Variants in NXPH2 observed in about 807,000 individuals in gnomAD.
NXPH2 encodes the protein neurexophilin 2, also known as neurexophilin-2.
A neutral mutation model predicts 19.8 loss-of-function variants in NXPH2; 5 were observed. The observed-to-expected ratio is 0.25, with a 90% CI of 0.13 to 0.53. The LOEUF is 0.53. NXPH2 is among the 20% of genes least tolerant of loss of function. NXPH2 has a pLI of 0.96. For synonymous variants in NXPH2, 154 were observed against 127.4 expected, an observed-to-expected ratio of 1.21 and a Z score of -1.41; for missense variants, 289 against 322.8, an observed-to-expected ratio of 0.90 and a Z score of 0.80.
chr2:138,780,256 C>G lies in NXPH2; in HGVS notation c.-15G>C. 7.0e-7 allele frequency: 1 copy of G among 1,421,706 alleles called. No homozygotes were observed. Among genetic ancestry groups the G allele is most frequent in the Non-Finnish European group, 9.1e-7 (1 of 1,098,652 alleles). 88.1% of individuals were successfully genotyped at this position (1,421,706 alleles called of 1,614,324 possible). A position where few individuals can be genotyped will look rare whatever the true frequency, so the allele number is the denominator to read the frequency against. On this transcript the variant is annotated 5_prime_UTR_variant, in exon 1 of 2. Transcript: ENST00000272641. ...CGCAGGCGCATGGTGCCGGCTGGCG[C>G]GGCTTTTCACGAGCTGCGCGCCCTC... is the stretch of plus-strand genomic sequence containing the variant.
chr2:138,681,181 T>G (rs1187910894), intron 1 of NXPH2, among the ~76,000 whole-genome samples: 1 of 150,950 alleles, frequency 6.6e-6, no homozygotes, highest in Non-Finnish European at 1.5e-5. Context: ...ACTTGATAAT[T>G]AGGTAACTAT....
intron 1 of NXPH2, among the ~76,000 whole-genome samples, chr2:138,738,152 C>T (rs985035424): frequency 6.6e-6 from 1 of 151,340 alleles, no homozygotes; most frequent in Admixed American, 6.6e-5. Flanking sequence ...CACCTATGAA[C>T]ACCTTCATTT....
At chr2:138,759,616 C>CACTTGTAT (rs1183632847) in intron 1 of NXPH2, among the ~76,000 whole-genome samples, 2 of 151,766 alleles carry the variant, frequency 1.3e-5, no homozygotes, top group Non-Finnish European at 2.9e-5. Flanking sequence ...AGCAAATTTC[C>CACTTGTAT]ACTTGTATAT....
intron 1 of NXPH2, among the ~76,000 whole-genome samples, chr2:138,766,934 C>T (rs951980906): frequency 2.6e-5 from 4 of 152,060 alleles, no homozygotes; most frequent in Non-Finnish European, 4.4e-5. Context: ...TTTAATTCTT[C>T]CAGTATTTGG....
chr2:138,702,418 C>T (rs1472292787), intron 1 of NXPH2, among the ~76,000 whole-genome samples: 3 of 152,164 alleles, frequency 2.0e-5, no homozygotes, highest in Non-Finnish European at 4.4e-5. Flanking sequence ...AAGCATCTGG[C>T]CTGTTTCTTT....
At chr2:138,707,161 A>G (rs1681030577) in intron 1 of NXPH2, among the ~76,000 whole-genome samples, 2 of 146,600 alleles carry the variant, frequency 1.4e-5, no homozygotes, top group Middle Eastern at 3.5e-3. Flanking sequence ...ATGATTCAAT[A>G]TGGGTGAGTT....
Position 138,671,134 on chromosome 2 carries a change from C to A in NXPH2, c.583G>T (p.Asp195Tyr). 1 of 1,613,948 alleles carries A rather than the reference C, an allele frequency of 6.2e-7. No individual in the cohort carries two copies. The highest frequency in any genetic ancestry group is 8.5e-7 in the Non-Finnish European group (1 of 1,179,872). The stretch of plus-strand genomic sequence containing the variant: ...CACAGGGCGGTCTTTTTCGCCCGAT[C>A]TGTTTTTTCATACTCAATGCGACAA... Reference protein sequence around the residue: ...FNCRIEYEKTDRAKKTALCNF... With the variant: ...FNCRIEYEKTYRAKKTALCNF... The change falls in exon 2 of 2, where the codon GAT (aspartate) becomes TAT (tyrosine). Residue 195 changes from aspartate (D) to tyrosine (Y), a missense_variant. By Grantham distance (160) the Asp-to-Tyr change is radical (BLOSUM62 -3). Coordinates refer to ENST00000272641, the MANE Select transcript of NXPH2 (RefSeq NM_007226.3).
At chr2:138,686,374 GTC>G (rs1210404683) in intron 1 of NXPH2, among the ~76,000 whole-genome samples, 1 of 152,082 alleles carries the variant, frequency 6.6e-6, no homozygotes, top group African/African-American at 2.4e-5. Flanking sequence ...AAGAGGCACT[GTC>G]TCTCTCTTGC....
chr2:138,748,270 C>G (rs911486478), intron 1 of NXPH2, among the ~76,000 whole-genome samples: 1 of 152,196 alleles, frequency 6.6e-6, no homozygotes, highest in Non-Finnish European at 1.5e-5. Flanking sequence ...ACAGTTACAT[C>G]TATCTCGGTT....
rs570566751 is a variant in NXPH2 at position 138,705,160 on chromosome 2, C to A, written c.52-33495G>T. Among the ~76,000 whole-genome samples, 3 of 152,022 alleles carry A rather than the reference C, an allele frequency of 2.0e-5. No individual in the cohort carries two copies. In the South Asian group the frequency reaches 6.2e-4, roughly 32 times the overall value. ...AAATTTTTTTGTAGAGATGGAGTCT[C>A]GATACGTTGCTCAGGCTGGTCTCCA... is the stretch of plus-strand genomic sequence containing the variant. On this transcript the variant is annotated intron_variant, in intron 1 of 1. Coordinates refer to ENST00000272641, the MANE Select transcript of NXPH2 (RefSeq NM_007226.3).
chr2:138,756,523 G>C (rs1681912102), intron 1 of NXPH2, among the ~76,000 whole-genome samples: 1 of 151,472 alleles, frequency 6.6e-6, no homozygotes, highest in Non-Finnish European at 1.5e-5. Flanking sequence ...TAAAAAAGTA[G>C]CTTTTACTTA....
rs779707617 is a variant in NXPH2 at position 138,670,928 on chromosome 2, A to G, written c.789T>C (p.Ser263=). ...TTCCACCACAGCAGGAAGATCAGCC[A>G]GAAGATAAGTATGGGGTCTCACTAT... ...NYHSETPYLS[S]G The change falls in exon 2 of 2, where the codon TCT becomes TCC. Residue 263 remains serine (S), a synonymous_variant. Transcript: ENST00000272641. 2.5e-6 allele frequency: 4 copies of G among 1,610,408 alleles called. No individual in the cohort carries two copies. Among genetic ancestry groups the G allele is most frequent in the Admixed American group, 1.7e-5 (1 of 59,876 alleles).
At chr2:138,676,548 T>A (rs543223769) in intron 1 of NXPH2, among the ~76,000 whole-genome samples, 2 of 152,234 alleles carry the variant, frequency 1.3e-5, no homozygotes, top group Admixed American at 6.5e-5. Flanking sequence ...AGCACAGGAT[T>A]TATTGCCTAA....
chr2:138,671,246 T>C lies in NXPH2; in HGVS notation c.471A>G (p.Ser157=), dbSNP rs1175167253. ...RHNSTGLGNV[S]VSLVPPSKVV... ...CCTTGGAGGGTGGTACCAAGCTCAC[T>C]GAAACATTGCCCAGGCCTGTTGAAT... The change falls in exon 2 of 2, where the codon TCA becomes TCG. Residue 157 remains serine (S), a synonymous_variant. Transcript: ENST00000272641. The C allele has an allele frequency of 6.2e-7, 1 of 1,613,910 alleles. No homozygotes were observed. The highest frequency in any genetic ancestry group is 2.2e-5 in the East Asian group (1 of 44,874).
At chr2:138,719,202 A>G (rs1681240078) in intron 1 of NXPH2, among the ~76,000 whole-genome samples, 1 of 152,190 alleles carries the variant, frequency 6.6e-6, no homozygotes, top group Admixed American at 6.5e-5. Flanking sequence ...AGATATGTCT[A>G]TATATATTTT....
intron 1 of NXPH2, among the ~76,000 whole-genome samples, chr2:138,776,610 A>G (rs1049460657): frequency 1.5e-5 from 2 of 135,822 alleles, no homozygotes; most frequent in African/African-American, 5.5e-5. Context: ...ACAATGATAT[A>G]GTGGTGTTTT....
At chr2:138,677,318 T>G (rs1680498846) in intron 1 of NXPH2, among the ~76,000 whole-genome samples, 1 of 152,240 alleles carries the variant, frequency 6.6e-6, no homozygotes, top group Non-Finnish European at 1.5e-5. Context: ...GAAAAATTGC[T>G]GTGCTTTATC....
At position 138,671,488 on chromosome 2, in the gene NXPH2, T is replaced by G; in HGVS notation, c.229A>C (p.Met77Leu). ...KPGPMAYADS[M>L]ENFWDWLANI... ...GCCAGCCAATCCCAAAAGTTTTCCATGCTGTCTGCGTACGCCATGGGGCCG... is the reference window on the plus strand; with the variant it reads ...GCCAGCCAATCCCAAAAGTTTTCCAGGCTGTCTGCGTACGCCATGGGGCCG... The change falls in exon 2 of 2, where the codon ATG becomes CTG. Residue 77 changes from methionine to leucine, a missense_variant. Physicochemically the swap from Met to Leu is conservative, Grantham distance 15. Coordinates refer to ENST00000272641, the MANE Select transcript of NXPH2 (RefSeq NM_007226.3). The G allele has an allele frequency of 7.4e-6, 12 of 1,613,982 alleles. No homozygotes were observed. The highest frequency in any genetic ancestry group is 1.0e-5 in the Non-Finnish European group (12 of 1,179,844).
intron 1 of NXPH2, among the ~76,000 whole-genome samples, chr2:138,727,272 A>G (rs979035052): frequency 6.6e-6 from 1 of 152,302 alleles, no homozygotes; most frequent in Non-Finnish European, 1.5e-5. Flanking sequence ...TAAGTTTTCA[A>G]CTTATCTGGA....
Sources: allele counts gnomAD v4.1 joint callset (sites outside exome capture counted in the v4.1 genomes callset), GRCh38; gene constraint gnomAD v4.1.1; transcripts MANE v1.5; gene names NCBI Gene and HGNC (gene_info 2026-07-23, HGNC 2026-07-21).